Variants in SMYD3 observed in about 807,000 individuals in gnomAD.
SMYD3 encodes SET and MYND domain containing 3.
Under a neutral mutation model 57.7 loss-of-function variants are expected in SMYD3, and 36 were observed. That is an observed-to-expected ratio of 0.62 (90% CI 0.48 to 0.82). The LOEUF (loss-of-function observed/expected upper bound fraction) is 0.82, where lower values mean the gene tolerates loss of function less well. SMYD3 is among the 40% of genes least tolerant of loss of function. The pLI is 0.00. For missense variants in SMYD3, 515 were observed against 538.8 expected, an observed-to-expected ratio of 0.96 and a Z score of 0.44; for synonymous variants, 211 against 195.0, an observed-to-expected ratio of 1.08 and a Z score of -0.68.
In SMYD3 at chr1:246,418,949, C is replaced by T. The variant is rs554820365; in HGVS notation, c.165-63855G>A. ...GAAAATAGCCAGTTCCTGCCTTAAC[C>T]GATGACATTGCACCATTGTGATTTG... On this transcript the variant is annotated intron_variant, in intron 1 of 11. Transcript: ENST00000490107. Among the ~76,000 whole-genome samples the T allele has an allele frequency of 3.9e-4, 59 of 152,284 alleles. 1 individual carries two copies. The highest frequency in any genetic ancestry group is 1.3e-3 in the African/African-American group (55 of 41,548).
chr1:245,806,043 T>C (rs1282656725), intron 10 of SMYD3, among the ~76,000 whole-genome samples: 2 of 152,222 alleles, frequency 1.3e-5, no homozygotes, highest in Non-Finnish European at 2.9e-5. Flanking sequence ...TATTACAAGT[T>C]GAGTGCCTAC....
intron 5 of SMYD3, among the ~76,000 whole-genome samples, chr1:246,201,245 C>A (rs1016912864): frequency 2.6e-5 from 4 of 152,062 alleles, no homozygotes; most frequent in African/African-American, 9.7e-5. Context: ...ATAAGAGATA[C>A]CAGATGAGAA....
chr1:245,811,197 C>A (rs948475015), intron 10 of SMYD3, among the ~76,000 whole-genome samples: 1 of 152,170 alleles, frequency 6.6e-6, no homozygotes, highest in Non-Finnish European at 1.5e-5. Flanking sequence ...AGCAGGTAAA[C>A]AGAGCGCTGA....
chr1:246,477,407 T>C (rs1000136921), intron 1 of SMYD3, among the ~76,000 whole-genome samples: 5 of 152,210 alleles, frequency 3.3e-5, no homozygotes, highest in Admixed American at 3.3e-4. Context: ...GACTATATTC[T>C]AACACTGTTT....
At chr1:246,190,263 C>T (rs1031340776) in intron 5 of SMYD3, among the ~76,000 whole-genome samples, 12 of 152,096 alleles carry the variant, frequency 7.9e-5, no homozygotes, top group Admixed American at 2.6e-4. Context: ...CAGACCGTAG[C>T]GTATACTTAA....
At chr1:245,930,396 C>T (rs945618257) in intron 5 of SMYD3, 13 of 335,408 alleles carry the variant, frequency 3.9e-5, no homozygotes, top group Middle Eastern at 9.9e-4. Flanking sequence ...CTACAGAAAG[C>T]GAAGTATCCC....
At chr1:246,102,688 G>A (rs1395570746) in intron 5 of SMYD3, among the ~76,000 whole-genome samples, 4 of 151,762 alleles carry the variant, frequency 2.6e-5, no homozygotes, top group Non-Finnish European at 4.4e-5. Context: ...CAGGAGGATT[G>A]CTTGAGGCCA....
chr1:246,178,669 T>C (rs2062476649), intron 5 of SMYD3: 1 of 152,158 alleles, frequency 6.6e-6, no homozygotes, highest in African/African-American at 2.4e-5. Context: ...TTTTCTTAAT[T>C]TGAAGGTCCC....
intron 10 of SMYD3, among the ~76,000 whole-genome samples, chr1:245,816,106 T>G (rs1166175710): frequency 6.6e-6 from 1 of 152,184 alleles, no homozygotes; most frequent in Admixed American, 6.5e-5. Context: ...GATAATGTAT[T>G]CAATGAAGCT....
chr1:245,817,162 A>G (rs991441012), intron 10 of SMYD3, among the ~76,000 whole-genome samples: 1 of 150,300 alleles, frequency 6.7e-6, no homozygotes, highest in African/African-American at 2.5e-5. Flanking sequence ...ACAGCTTTGA[A>G]GAGAGCAGTG....
intron 5 of SMYD3, among the ~76,000 whole-genome samples, chr1:246,146,627 A>G (rs2061847137): frequency 6.6e-6 from 1 of 150,606 alleles, no homozygotes; most frequent in Non-Finnish European, 1.5e-5. Context: ...TGAGGAAGAC[A>G]GAATAAACTA....
intron 5 of SMYD3, among the ~76,000 whole-genome samples, chr1:245,956,412 G>A (rs749920622): frequency 2.0e-5 from 3 of 152,246 alleles, no homozygotes; most frequent in Non-Finnish European, 1.5e-5. Context: ...AAGGCTAGCA[G>A]TGGACAGGCA....
At chr1:246,274,187 T>C (rs2064285046) in intron 5 of SMYD3, among the ~76,000 whole-genome samples, 2 of 152,190 alleles carry the variant, frequency 1.3e-5, no homozygotes, top group Admixed American at 6.5e-5. Context: ...TCTTTCCTTT[T>C]GTCTTTATGT....
intron 1 of SMYD3, among the ~76,000 whole-genome samples, chr1:246,431,767 C>T (rs1174274690): frequency 6.6e-6 from 1 of 152,084 alleles, no homozygotes; most frequent in Non-Finnish European, 1.5e-5. Context: ...AGCAACTTTA[C>T]ATATATCTGC....
At chr1:245,828,280 T>G (rs117920963) in intron 10 of SMYD3, among the ~76,000 whole-genome samples, 2 of 152,280 alleles carry the variant, frequency 1.3e-5, no homozygotes, top group East Asian at 3.9e-4. Context: ...ACCTCAAAAT[T>G]CTTCAATAAA....
chr1:245,751,061 CAGTGTTAATTTAT>C (rs2045327794), intron 11 of SMYD3, among the ~76,000 whole-genome samples: 1 of 152,204 alleles, frequency 6.6e-6, no homozygotes, highest in Admixed American at 6.5e-5. Context: ...ACTCATGATT[CAGTGTTAATTTAT>C]AGCCAGAAGA....
At chr1:245,879,913 C>T (rs535639745) in intron 8 of SMYD3, among the ~76,000 whole-genome samples, 231 of 152,204 alleles carry the variant, frequency 1.5e-3, no homozygotes, top group Non-Finnish European at 2.5e-3. Context: ...AGCACAGGTG[C>T]GTTGCTGTAC....
chr1:245,997,549 T>C (rs1012269800), intron 5 of SMYD3, among the ~76,000 whole-genome samples: 7 of 152,194 alleles, frequency 4.6e-5, no homozygotes, highest in African/African-American at 1.7e-4. Flanking sequence ...GCAGGGATTA[T>C]CTCCCCTGAG....
intron 1 of SMYD3, among the ~76,000 whole-genome samples, chr1:246,390,902 A>C (rs2066551483): frequency 6.6e-6 from 1 of 152,220 alleles, no homozygotes; most frequent in African/African-American, 2.4e-5. Flanking sequence ...AGATGAATTA[A>C]AACGGTACAC....
Sources: allele counts gnomAD v4.1 joint callset (sites outside exome capture counted in the v4.1 genomes callset), GRCh38; gene constraint gnomAD v4.1.1; transcripts MANE v1.5; gene names NCBI Gene and HGNC (gene_info 2026-07-23, HGNC 2026-07-21).